The following ANKS1B variants were observed in gnomAD, a reference collection of about 807,000 sequenced individuals.
The protein encoded by ANKS1B is ankyrin repeat and sterile alpha motif domain-containing protein 1B.
Under a neutral mutation model 148.3 loss-of-function variants are expected in ANKS1B, and 36 were observed. The ratio of observed to expected loss-of-function variants is 0.24; its 90% CI spans 0.19 to 0.32. The LOEUF (loss-of-function observed/expected upper bound fraction) is 0.32, where lower values mean the gene tolerates loss of function less well. ANKS1B is among the 10% of genes least tolerant of loss of function. The probability of loss-of-function intolerance (pLI) is 1.00; values close to 1 mark genes in which losing one functional copy is unlikely to be tolerated. For missense variants in ANKS1B, 1,157 were observed against 1,542.6 expected, an observed-to-expected ratio of 0.75 and a Z score of 4.19; for synonymous variants, 542 against 560.8, an observed-to-expected ratio of 0.97 and a Z score of 0.47.
intron 1 of ANKS1B, among the ~76,000 whole-genome samples, chr12:99,929,909 T>C (rs1008489970): frequency 6.6e-6 from 1 of 151,812 alleles, no homozygotes; most frequent in Admixed American, 6.6e-5. Flanking sequence ...AGCCTTGTAG[T>C]ATAGTTTGAA....
intron 22 of ANKS1B, among the ~76,000 whole-genome samples, chr12:98,786,958 T>C (rs564295431): frequency 3.9e-5 from 6 of 152,336 alleles, no homozygotes; most frequent in Middle Eastern, 3.4e-3. Flanking sequence ...CACATGGCTA[T>C]CCTGAGAATG....
chr12:99,471,410 C>T (rs2096240250), intron 10 of ANKS1B, among the ~76,000 whole-genome samples: 1 of 151,996 alleles, frequency 6.6e-6, no homozygotes, highest in Non-Finnish European at 1.5e-5. Flanking sequence ...TCACAAAAGG[C>T]CTCTGAGCTC....
At chr12:99,509,570 G>A in intron 9 of ANKS1B, among the ~76,000 whole-genome samples, 1 of 151,950 alleles carries the variant, frequency 6.6e-6, no homozygotes, top group East Asian at 1.9e-4. Context: ...TTCAATGAAG[G>A]CTGCCAGAGG....
chr12:99,917,874 C>A (rs1042506975), intron 1 of ANKS1B, among the ~76,000 whole-genome samples: 4 of 152,234 alleles, frequency 2.6e-5, no homozygotes, highest in African/African-American at 9.6e-5. Context: ...AGGAACCAGG[C>A]TGCACAGCAG....
chr12:98,917,361 C>T (rs1423011426), intron 17 of ANKS1B, among the ~76,000 whole-genome samples: 2 of 152,150 alleles, frequency 1.3e-5, no homozygotes, highest in Non-Finnish European at 2.9e-5. Flanking sequence ...CAGGAAATGT[C>T]GGGGCCCATC....
chr12:99,636,985 A>C (rs180825549), intron 9 of ANKS1B, among the ~76,000 whole-genome samples: 3 of 152,198 alleles, frequency 2.0e-5, no homozygotes, highest in Admixed American at 2.0e-4. Context: ...TCTCACTAAT[A>C]ATCAGGAAAA....
At chr12:99,769,657 G>A (rs919178641) in intron 8 of ANKS1B, among the ~76,000 whole-genome samples, 15 of 152,082 alleles carry the variant, frequency 9.9e-5, no homozygotes, top group African/African-American at 2.9e-4. Context: ...TGTAATTACC[G>A]CATGAAACTG....
chr12:99,607,688 A>G (rs1219995403), intron 9 of ANKS1B, among the ~76,000 whole-genome samples: 2 of 152,116 alleles, frequency 1.3e-5, no homozygotes, highest in African/African-American at 4.8e-5. Flanking sequence ...TGTATGGAGA[A>G]GGCTTCTGAG....
At chr12:99,329,979 T>C (rs976904364) in intron 12 of ANKS1B, among the ~76,000 whole-genome samples, 5 of 151,956 alleles carry the variant, frequency 3.3e-5, no homozygotes, top group Admixed American at 1.3e-4. Context: ...TAAACTTGCA[T>C]CTATTTCTCC....
intron 8 of ANKS1B, among the ~76,000 whole-genome samples, chr12:99,743,186 T>C (rs1279710771): frequency 6.6e-6 from 1 of 152,180 alleles, no homozygotes; most frequent in Non-Finnish European, 1.5e-5. Context: ...CTCAACAAAA[T>C]GAACTTCTAT....
At chr12:99,881,758 C>T (rs1396437419) in intron 1 of ANKS1B, among the ~76,000 whole-genome samples, 2 of 152,200 alleles carry the variant, frequency 1.3e-5, no homozygotes, top group Non-Finnish European at 2.9e-5. Context: ...AACCACAAGC[C>T]ACTGAAGGCT....
chr12:99,253,933 A>T (rs969181756), intron 12 of ANKS1B, among the ~76,000 whole-genome samples: 2 of 152,234 alleles, frequency 1.3e-5, no homozygotes, highest in Admixed American at 6.5e-5. Flanking sequence ...ATTATATAGG[A>T]ATATCAGAAA....
intron 14 of ANKS1B, among the ~76,000 whole-genome samples, chr12:99,236,285 C>T (rs2087908553): frequency 6.6e-6 from 1 of 152,302 alleles, no homozygotes; most frequent in South Asian, 2.1e-4. Flanking sequence ...TATTTGGATG[C>T]TGTTTTTCAC....
chr12:99,913,483 T>G (rs1017014565), intron 1 of ANKS1B, among the ~76,000 whole-genome samples: 4 of 152,184 alleles, frequency 2.6e-5, no homozygotes, highest in African/African-American at 9.7e-5. Flanking sequence ...TAATATAGTT[T>G]CTTTTGAAAT....
chr12:99,334,474 C>T (rs1276941488), intron 12 of ANKS1B, among the ~76,000 whole-genome samples: 2 of 152,010 alleles, frequency 1.3e-5, no homozygotes, highest in Admixed American at 6.6e-5. Flanking sequence ...TTCATATCTC[C>T]ACCCACTCTT....
At position 99,730,237 on chromosome 12, in the gene ANKS1B, C is replaced by T. The variant is rs562633940; in HGVS notation, c.1128+42685G>A. Reference sequence around the variant, plus strand: ...GTTTGAGATTTGCTCTGTTGAGGAGCTCTGACCACAGATGGGCTCCCACAA... The same window carrying T: ...GTTTGAGATTTGCTCTGTTGAGGAGTTCTGACCACAGATGGGCTCCCACAA... On this transcript the variant is annotated intron_variant, in intron 8 of 26. Coordinates refer to ENST00000683438, the MANE Select transcript of ANKS1B (RefSeq NM_001352186.2). Among the ~76,000 whole-genome samples the T allele has an allele frequency of 2.6e-5, 4 of 152,302 alleles. No homozygotes were observed. In the East Asian group the frequency reaches 7.7e-4, roughly 29 times the overall value.
At chr12:99,964,555 G>A (rs528024062) in intron 1 of ANKS1B, among the ~76,000 whole-genome samples, 2 of 152,314 alleles carry the variant, frequency 1.3e-5, no homozygotes, top group South Asian at 2.1e-4. Flanking sequence ...CTAGTGTGGC[G>A]TACCATAGCC....
intron 9 of ANKS1B, among the ~76,000 whole-genome samples, chr12:99,508,178 G>T (rs896642138): frequency 5.3e-4 from 80 of 151,904 alleles, no homozygotes; most frequent in African/African-American, 1.7e-3. Context: ...CATTGTTTAA[G>T]ATTACCACAA....
chr12:98,803,075 T>C lies in ANKS1B; in HGVS notation c.3142-1950A>G, dbSNP rs372622779. On this transcript the variant is annotated intron_variant, in intron 20 of 26. Coordinates refer to ENST00000683438, the MANE Select transcript of ANKS1B (RefSeq NM_001352186.2). ...TGATAACTGACTGCAATTCTAAAAT[T>C]AGATTAAGTTTTTCTTTGGCTTCTT... Among the ~76,000 whole-genome samples the C allele has an allele frequency of 3.9e-5, 6 of 152,270 alleles. No homozygotes were observed. In the East Asian group the frequency reaches 7.7e-4, roughly 20 times the overall value.
Sources: gnomAD v4.1 joint callset for allele counts (sites outside exome capture counted in the v4.1 genomes callset) on GRCh38, gnomAD v4.1.1 for gene constraint, MANE v1.5 for transcripts, NCBI Gene and HGNC (gene_info 2026-07-23, HGNC 2026-07-21) for gene names.